ANKH: variants seen among roughly 807,000 people sequenced by gnomAD.
ANKH encodes the protein mineralization regulator ANKH.
ANKH carries 15 observed loss-of-function variants against 49.0 expected under a neutral mutation model. The ratio of observed to expected loss-of-function variants is 0.31; its 90% CI spans 0.20 to 0.47. ANKH has a LOEUF of 0.47. ANKH is among the 20% of genes least tolerant of loss of function. The probability of loss-of-function intolerance (pLI) is 1.00; values close to 1 mark genes in which losing one functional copy is unlikely to be tolerated. For synonymous variants in ANKH, 273 were observed against 260.0 expected (o/e 1.05, Z -0.48); for missense variants, 429 against 652.0 (o/e 0.66, Z 3.72).
chr5:14,761,674 T>C (rs1430231883), intron 2 of ANKH, among the ~76,000 whole-genome samples: 1 of 152,104 alleles, frequency 6.6e-6, no homozygotes, highest in Non-Finnish European at 1.5e-5. Context: ...TGCCATATGC[T>C]GGACACCACA....
intron 1 of ANKH, among the ~76,000 whole-genome samples, chr5:14,792,938 C>T (rs1009102593): frequency 3.6e-5 from 5 of 139,030 alleles, no homozygotes; most frequent in African/African-American, 1.3e-4. Context: ...GATTATGCCA[C>T]CACACTCCAG....
At chr5:14,816,578 A>G (rs1184269158) in intron 1 of ANKH, among the ~76,000 whole-genome samples, 2 of 152,160 alleles carry the variant, frequency 1.3e-5, no homozygotes, top group Admixed American at 1.3e-4. Flanking sequence ...AGCCTCGGAG[A>G]TGACTCTTGT....
intron 1 of ANKH, among the ~76,000 whole-genome samples, chr5:14,863,013 C>G (rs1467160005): frequency 6.6e-6 from 1 of 152,084 alleles, no homozygotes; most frequent in Non-Finnish European, 1.5e-5. Context: ...AGCAGAACAT[C>G]AAAAAGCAAG....
intron 8 of ANKH, among the ~76,000 whole-genome samples, chr5:14,740,154 C>T (rs1020282449): frequency 1.3e-5 from 2 of 152,144 alleles, no homozygotes; most frequent in Non-Finnish European, 2.9e-5. Flanking sequence ...AGTTTCTGGA[C>T]CGCAGAGCCA....
At position 14,843,886 on chromosome 5, in the gene ANKH, T is replaced by G. The variant is rs143724911; in HGVS notation, c.96+27466A>C. Among the ~76,000 whole-genome samples the G allele has an allele frequency of 1.3e-5, 2 of 152,210 alleles. 1 individual carries two copies. Among genetic ancestry groups the G allele is most frequent in the Non-Finnish European group, 2.9e-5 (2 of 68,042 alleles). On this transcript the variant is annotated intron_variant, in intron 1 of 11. Transcript: ENST00000284268. The stretch of plus-strand genomic sequence containing the variant: ...CATTCATACACAGTGGGCACACATT[T>G]TGCATATAAGGTATGTAAATATAAG...
chr5:14,794,342 G>T (rs1035761271), intron 1 of ANKH, among the ~76,000 whole-genome samples: 1 of 152,226 alleles, frequency 6.6e-6, no homozygotes, highest in Non-Finnish European at 1.5e-5. Context: ...ACTATAGTGG[G>T]GACCACAGAA....
intron 1 of ANKH, among the ~76,000 whole-genome samples, chr5:14,815,800 T>C (rs1741018205): frequency 6.6e-6 from 1 of 152,186 alleles, no homozygotes; most frequent in South Asian, 2.1e-4. Context: ...TTGGCCAATG[T>C]AGAGACTTAA....
At chr5:14,855,581 T>G (rs1027915290) in intron 1 of ANKH, among the ~76,000 whole-genome samples, 1 of 152,168 alleles carries the variant, frequency 6.6e-6, no homozygotes, top group African/African-American at 2.4e-5. Flanking sequence ...CATGGTGTGT[T>G]ATTATCATAA....
At chr5:14,797,823 A>C in intron 1 of ANKH, 2 of 1,611,246 alleles carry the variant, frequency 1.2e-6, no homozygotes, top group Middle Eastern at 2.2e-4. Flanking sequence ...AGCACTAAGT[A>C]AGTGCCCACT....
intron 1 of ANKH, among the ~76,000 whole-genome samples, chr5:14,860,101 T>TG (rs1735436154): frequency 6.6e-6 from 1 of 152,176 alleles, no homozygotes; most frequent in African/African-American, 2.4e-5. Flanking sequence ...TGCCTCTGCG[T>TG]GGGGGTACAA....
At chr5:14,809,049 T>C (rs1179482079) in intron 1 of ANKH, among the ~76,000 whole-genome samples, 4 of 119,650 alleles carry the variant, frequency 3.3e-5, no homozygotes, top group African/African-American at 6.5e-5. Flanking sequence ...ATGGATGAAA[T>C]TGGAAACCAT....
intron 8 of ANKH, among the ~76,000 whole-genome samples, chr5:14,727,046 G>A (rs940195968): frequency 2.6e-5 from 4 of 152,180 alleles, no homozygotes; most frequent in African/African-American, 9.7e-5. Flanking sequence ...CACAGGCAGT[G>A]GGGACACGGG....
rs946496284 is a variant in ANKH, at chr5:14,708,131, G to C, written c.*3066C>G. ...GACGCCCTTTGCCACTGAGATCCCT[G>C]TAAGTCACTACAGAACAAATGGCAA... On this transcript the variant is annotated 3_prime_UTR_variant, in exon 12 of 12. Coordinates refer to ENST00000284268, the MANE Select transcript of ANKH (RefSeq NM_054027.6). 1 of 152,168 alleles carries C rather than the reference G, an allele frequency of 6.6e-6. No individual in the cohort carries two copies. Among genetic ancestry groups the C allele is most frequent in the Admixed American group, 6.5e-5 (1 of 15,282 alleles). 9.4% of individuals were successfully genotyped at this position (152,168 alleles called of 1,614,324 possible).
chr5:14,772,510 C>T (rs1438502977), intron 1 of ANKH, among the ~76,000 whole-genome samples: 8 of 152,172 alleles, frequency 5.3e-5, no homozygotes, highest in Middle Eastern at 6.8e-3. Context: ...CCATAAGAAC[C>T]TTCTTAGCCT....
intron 1 of ANKH, chr5:14,870,960 ATC>A: frequency 2.8e-6 from 1 of 363,168 alleles, no homozygotes. Context: ...ATAAAACAGA[ATC>A]TCCCCACCGT....
At chr5:14,818,233 A>G (rs528255308) in intron 1 of ANKH, among the ~76,000 whole-genome samples, 4 of 151,840 alleles carry the variant, frequency 2.6e-5, no homozygotes, top group Admixed American at 6.6e-5. Context: ...ATTTGCTCAT[A>G]CTCCATATTT....
chr5:14,765,599 G>A (rs1739234844), intron 2 of ANKH, among the ~76,000 whole-genome samples: 1 of 151,760 alleles, frequency 6.6e-6, no homozygotes, highest in Non-Finnish European at 1.5e-5. Flanking sequence ...GCTCAATAGC[G>A]GGGTCAAGAA....
intron 2 of ANKH, among the ~76,000 whole-genome samples, chr5:14,765,972 G>C (rs762374759): frequency 3.3e-5 from 5 of 152,104 alleles, no homozygotes; most frequent in Non-Finnish European, 5.9e-5. Flanking sequence ...CCAGACTGGG[G>C]GAAAAAAGTC....
Position 14,732,397 on chromosome 5 carries a change from T to A in ANKH, c.1011+9430A>T, listed in dbSNP as rs1738033770. ...CTGAAGGTGTGTGTAAATCTACCGA[T>A]CAAGAGACTGGCTTTTAAAAAAACA... On this transcript the variant is annotated intron_variant, in intron 8 of 11. Coordinates refer to ENST00000284268, the MANE Select transcript of ANKH (RefSeq NM_054027.6). Among the ~76,000 whole-genome samples, 3 of 152,120 alleles carry A rather than the reference T, an allele frequency of 2.0e-5. No homozygotes were observed. The South Asian group carries it at 6.2e-4, about 32-fold the overall frequency.
Sources: allele counts gnomAD v4.1 joint callset (sites outside exome capture counted in the v4.1 genomes callset), GRCh38; gene constraint gnomAD v4.1.1; transcripts MANE v1.5; gene names NCBI Gene and HGNC (gene_info 2026-07-23, HGNC 2026-07-21).